Variants in PLAC1 observed in about 807,000 individuals in gnomAD.
PLAC1 encodes placenta associated 1.
For synonymous variants in PLAC1, 68 were observed against 62.1 expected, an observed-to-expected ratio of 1.09 and a Z score of -0.44; for missense variants, 136 against 163.2, an observed-to-expected ratio of 0.83 and a Z score of 0.91.
At chrX:134,625,267 G>A (rs1334420685) in intron 1 of PLAC1, among the ~76,000 whole-genome samples, 1 of 112,433 alleles carries the variant, frequency 8.9e-6, no homozygotes, top group African/African-American at 3.2e-5. Context: ...TGGGGTATAT[G>A]TGTACATGTG....
chrX:134,598,897 C>T (rs2078074879), intron 2 of PLAC1, among the ~76,000 whole-genome samples: 1 of 111,376 alleles, frequency 9.0e-6, no homozygotes, highest in Non-Finnish European at 1.9e-5. Flanking sequence ...CACAAGTACA[C>T]AGTAAGTATT....
At chrX:134,744,421 C>T (rs1468553342) in intron 1 of PLAC1, among the ~76,000 whole-genome samples, 2 of 111,851 alleles carry the variant, frequency 1.8e-5, no homozygotes, top group Non-Finnish European at 3.8e-5. Flanking sequence ...TCAGGTGACC[C>T]CGCCACTTAT....
chrX:134,627,515 C>T (rs776542461), intron 1 of PLAC1, among the ~76,000 whole-genome samples: 21 of 112,195 alleles, frequency 1.9e-4, no homozygotes, highest in African/African-American at 5.8e-4. Context: ...CAGTGTTTGT[C>T]GTAGTAGTAC....
At chrX:134,728,888 G>A (rs887013546) in intron 2 of PLAC1, among the ~76,000 whole-genome samples, 1 of 111,344 alleles carries the variant, frequency 9.0e-6, no homozygotes, top group African/African-American at 3.3e-5. Context: ...TGAGGAAACC[G>A]AGAAATGGGG....
At chrX:134,570,950 C>T (rs545554797) in intron 2 of PLAC1, among the ~76,000 whole-genome samples, 5 of 112,105 alleles carry the variant, frequency 4.5e-5, no homozygotes, top group African/African-American at 1.3e-4. Context: ...CCTTTCTTCC[C>T]TCATAAACAC....
intron 1 of PLAC1, among the ~76,000 whole-genome samples, chrX:134,603,378 C>T (rs1602827081): frequency 1.3e-5 from 1 of 74,655 alleles, no homozygotes; most frequent in South Asian, 1.1e-3. Flanking sequence ...TGCTCTGTCA[C>T]CCAGGCTGGA....
intron 2 of PLAC1, among the ~76,000 whole-genome samples, chrX:134,725,602 C>T (rs959887392): frequency 3.6e-5 from 4 of 112,230 alleles, no homozygotes; most frequent in Non-Finnish European, 7.5e-5. Flanking sequence ...ATTCTGCACT[C>T]TTAACTGCCT....
intron 1 of PLAC1, among the ~76,000 whole-genome samples, chrX:134,762,821 CAAAAA>C (rs60721487): frequency 1.3e-4 from 2 of 14,818 alleles, no homozygotes; most frequent in African/African-American, 2.8e-4. Flanking sequence ...GGCTCTATCT[CAAAAA>C]AAAAAAAAAA....
intron 2 of PLAC1, among the ~76,000 whole-genome samples, chrX:134,679,595 A>G (rs765060754): frequency 9.0e-6 from 1 of 111,653 alleles, no homozygotes; most frequent in Admixed American, 9.5e-5. Flanking sequence ...GGATGCTGCT[A>G]CACATTCTAC....
chrX:134,700,820 C>G (rs2078580501), intron 2 of PLAC1, among the ~76,000 whole-genome samples: 1 of 111,949 alleles, frequency 8.9e-6, no homozygotes, highest in African/African-American at 3.2e-5. Flanking sequence ...ACATATAATA[C>G]TCAGGATTGG....
At chrX:134,673,990 C>T (rs967480605) in intron 2 of PLAC1, among the ~76,000 whole-genome samples, 1 of 112,923 alleles carries the variant, frequency 8.9e-6, no homozygotes, top group African/African-American at 3.2e-5. Context: ...ATGGATATTT[C>T]TAAAGCCTAC....
intron 2 of PLAC1, among the ~76,000 whole-genome samples, chrX:134,568,947 T>C (rs902015040): frequency 5.4e-5 from 6 of 111,012 alleles, no homozygotes; most frequent in Admixed American, 9.7e-5. Context: ...TTTCCCTTCC[T>C]GCCTCTCTCT....
At chrX:134,725,667 C>T (rs1210644852) in intron 2 of PLAC1, among the ~76,000 whole-genome samples, 1 of 112,265 alleles carries the variant, frequency 8.9e-6, no homozygotes, top group Non-Finnish European at 1.9e-5. Context: ...TCCCTCATAA[C>T]CTTCAAGATA....
At chrX:134,571,950 C>T (rs2077910162) in intron 2 of PLAC1, among the ~76,000 whole-genome samples, 1 of 111,663 alleles carries the variant, frequency 9.0e-6, no homozygotes, top group African/African-American at 3.2e-5. Flanking sequence ...TCAGTATACT[C>T]GTGACAGCAT....
At chrX:134,666,363 G>A (rs2078436794) in intron 2 of PLAC1, among the ~76,000 whole-genome samples, 1 of 111,193 alleles carries the variant, frequency 9.0e-6, no homozygotes, top group Middle Eastern at 4.6e-3. Flanking sequence ...AACTTGCTGG[G>A]GGACTGCCCA....
At chrX:134,591,058 C>A (rs1202358203) in intron 2 of PLAC1, among the ~76,000 whole-genome samples, 1 of 112,007 alleles carries the variant, frequency 8.9e-6, no homozygotes, top group Non-Finnish European at 1.9e-5. Context: ...CTTCATGCAA[C>A]TCTGTGTTAT....
intron 1 of PLAC1, among the ~76,000 whole-genome samples, chrX:134,631,252 C>T (rs1373025399): frequency 1.8e-5 from 2 of 112,809 alleles, no homozygotes; most frequent in African/African-American, 6.4e-5. Flanking sequence ...TGTTGGCCCT[C>T]TTGGCCTTGC....
chrX:134,737,261 G>A (rs893729365), intron 1 of PLAC1, among the ~76,000 whole-genome samples: 7 of 112,306 alleles, frequency 6.2e-5, no homozygotes, highest in African/African-American at 2.3e-4. Flanking sequence ...GCTGCAATGT[G>A]GACTGGCCTC....
upstream of PLAC1, among the ~76,000 whole-genome samples, chrX:134,660,760 T>C (rs185401730): frequency 1.6e-4 from 18 of 111,464 alleles, no homozygotes; most frequent in African/African-American, 4.9e-4. Flanking sequence ...TAACAGAGGA[T>C]ATTTTCTGGA....
Sources: gnomAD v4.1 joint callset for allele counts (sites outside exome capture counted in the v4.1 genomes callset) on GRCh38, gnomAD v4.1.1 for gene constraint, MANE v1.5 for transcripts, NCBI Gene and HGNC (gene_info 2026-07-23, HGNC 2026-07-21) for gene names.